F8: variants seen among roughly 807,000 people sequenced by gnomAD.
The protein encoded by F8 is coagulation factor VIII.
A neutral mutation model predicts 140.6 loss-of-function variants in F8; 12 were observed. The observed-to-expected ratio is 0.09, with a 90% CI of 0.05 to 0.14. The LOEUF is 0.14. Ranked by LOEUF, F8 falls within the 10% of genes least tolerant of loss-of-function variation. The probability of loss-of-function intolerance (pLI) is 1.00; values close to 1 mark genes in which losing one functional copy is unlikely to be tolerated. For missense variants in F8, 1,354 were observed against 1,720.7 expected, an observed-to-expected ratio of 0.79 and a Z score of 3.77; for synonymous variants, 585 against 614.6, an observed-to-expected ratio of 0.95 and a Z score of 0.71.
rs2073024200 is a variant in F8 at position 154,904,073 on chromosome X, A to T, written c.5831T>A (p.Ile1944Lys). The stretch of plus-strand genomic sequence containing the variant: ...TACTAAGCCAGGTAGTGTATCCATT[A>T]TGTAGCCATTGATTGCTGGAGAAGG... ...NYRFHAINGYIMDTLPGLVMA... is the reference protein window; with the variant it reads ...NYRFHAINGYKMDTLPGLVMA... Residue 1944 changes from isoleucine (I) to lysine (K), a missense_variant, in exon 18 of 26, where the codon ATA becomes AAA. Coordinates refer to ENST00000360256, the MANE Select transcript of F8 (RefSeq NM_000132.4). 8.3e-7 allele frequency: 1 copy of T among 1,211,630 alleles called. No individual in the cohort carries two copies.
chrX:154,886,235 C>T (rs2072894571), intron 22 of F8: 2 of 740,058 alleles, frequency 2.7e-6, no homozygotes, highest in Non-Finnish European at 3.5e-6. Flanking sequence ...TGCACCTCAT[C>T]AGGGCAAGGG....
chrX:154,904,188 C>G, intron 17 of F8, 100 bp from the exon 18 acceptor site: 1 of 1,093,156 alleles, frequency 9.1e-7, no homozygotes, highest in Admixed American at 2.2e-5. Flanking sequence ...TCCACTCCCA[C>G]AGATATACTC....
chrX:154,902,026 A>T (rs2073012120), intron 19 of F8, 25 bp downstream of exon 19: 1 of 1,020,455 alleles, frequency 9.8e-7, no homozygotes, highest in Non-Finnish European at 1.4e-6. Flanking sequence ...GTAGGTAGGG[A>T]ACCTCTGCCC....
chrX:155,018,717 A>T (rs1557287249), intron 1 of F8, among the ~76,000 whole-genome samples: 1 of 112,193 alleles, frequency 8.9e-6, no homozygotes, highest in Non-Finnish European at 1.9e-5. Context: ...AAATAAAGTT[A>T]CTTCCTAGAA....
intron 25 of F8, among the ~76,000 whole-genome samples, chrX:154,841,087 C>T (rs1258416565): frequency 9.0e-6 from 1 of 110,794 alleles, no homozygotes; most frequent in African/African-American, 3.3e-5. Flanking sequence ...GTACCCTCTA[C>T]TGTTGATAAA....
intron 14 of F8, among the ~76,000 whole-genome samples, chrX:154,910,731 C>T (rs1284635656): frequency 1.8e-5 from 2 of 111,098 alleles, no homozygotes; most frequent in East Asian, 5.7e-4. Context: ...AAGACCTGAC[C>T]GTCCCCCAGC....
At chrX:154,952,099 A>T (rs2073340477) in intron 12 of F8, among the ~76,000 whole-genome samples, 1 of 112,202 alleles carries the variant, frequency 8.9e-6, no homozygotes, top group African/African-American at 3.2e-5. Context: ...TCTAGTAAAT[A>T]GCACAATAAG....
chrX:154,899,649 A>G (rs1043255581), intron 21 of F8, among the ~76,000 whole-genome samples: 1 of 111,821 alleles, frequency 8.9e-6, no homozygotes, highest in Admixed American at 9.5e-5. Flanking sequence ...AGATGTTCTA[A>G]TCCCAGTAGA....
At chrX:154,982,360 T>G (rs1228971829) in intron 6 of F8, among the ~76,000 whole-genome samples, 2 of 97,611 alleles carry the variant, frequency 2.0e-5, no homozygotes, top group East Asian at 6.4e-4. Context: ...GGCAGGAGAA[T>G]GGCGTGAACC....
rs182105506 is a variant in F8, at chrX:154,943,706, G to T, written c.2113+3992C>A. Among the ~76,000 whole-genome samples, 286 of 111,494 alleles carry T rather than the reference G, an allele frequency of 2.6e-3. 1 individual carries two copies. The highest frequency in any genetic ancestry group is 4.2e-3 in the Non-Finnish European group (221 of 53,040). On this transcript the variant is annotated intron_variant, in intron 13 of 25. Coordinates refer to ENST00000360256, the MANE Select transcript of F8 (RefSeq NM_000132.4). The stretch of plus-strand genomic sequence containing the variant: ...ATGAAACCAAAAAAGAGCCCGCATC[G>T]CCAAGTCAATCCTAAGCCTAATGAA...
chrX:154,936,631 A>T (rs1238846692), intron 13 of F8, among the ~76,000 whole-genome samples: 1 of 112,098 alleles, frequency 8.9e-6, no homozygotes, highest in African/African-American at 3.2e-5. Flanking sequence ...AACAAACTCA[A>T]CAATCACAGA....
At chrX:154,983,515 G>A (rs1169811796) in intron 6 of F8, among the ~76,000 whole-genome samples, 1 of 111,029 alleles carries the variant, frequency 9.0e-6, no homozygotes, top group Non-Finnish European at 1.9e-5. Context: ...GTGCCAGTTG[G>A]GACAAATGTA....
At chrX:154,984,844 T>C (rs1557284071) in intron 5 of F8, 41 bp from the exon 6 acceptor site, 2 of 1,033,597 alleles carry the variant, frequency 1.9e-6, no homozygotes, top group Admixed American at 2.2e-5. Context: ...GCTAAGCATG[T>C]GTCTCATGAA....
chrX:154,944,940 A>G (rs1603434339), intron 13 of F8, among the ~76,000 whole-genome samples: 1 of 110,368 alleles, frequency 9.1e-6, no homozygotes, highest in Admixed American at 9.7e-5. Flanking sequence ...AACACTGCAT[A>G]TTCTCACTCA....
rs1557278584 is a variant in F8, at chrX:154,930,040, G to A, written c.3750C>T (p.Ser1250=). The change falls in exon 14 of 26, where the codon AGC becomes AGT. Residue 1250 remains serine (S), a synonymous_variant. Transcript: ENST00000360256. ...ATGAACCTTCTACATTTTGCCTAGT[G>A]CTCAGTAAGAAAAGGTTCTTCATGA... ...KNFMKNLFLL[S]TRQNVEGSYD... 4.1e-6 allele frequency: 5 copies of A among 1,211,056 alleles called. No homozygotes were observed. Among genetic ancestry groups the A allele is most frequent in the Non-Finnish European group, 4.5e-6 (4 of 895,289 alleles).
intron 6 of F8, among the ~76,000 whole-genome samples, chrX:154,980,112 C>G (rs1377700488): frequency 9.0e-6 from 1 of 111,460 alleles, no homozygotes; most frequent in African/African-American, 3.3e-5. Flanking sequence ...CCAGTGTTCT[C>G]TCTTAGATGA....
intron 1 of F8, among the ~76,000 whole-genome samples, chrX:155,013,008 T>C (rs1425773908): frequency 2.8e-5 from 3 of 108,106 alleles, no homozygotes; most frequent in Non-Finnish European, 3.8e-5. Context: ...TAGCCAGGCG[T>C]GGTGGCGGGC....
At position 154,928,774 on chromosome X, in the gene F8, A is replaced by G. The variant is rs1557278292; in HGVS notation, c.5016T>C (p.Thr1672=). The change falls in exon 14 of 26, where the codon ACT becomes ACC. Residue 1672 remains threonine, a synonymous_variant. Transcript: ENST00000360256. ...TTTCCTCTTGATCTGACTGAAGAGT[A>G]GTACGAGTTATTTCCCGTTGATGGC... ...LKRHQREITR[T]TLQSDQEEID... is the part of the protein sequence containing the mutation. 1.7e-6 allele frequency: 2 copies of G among 1,209,947 alleles called. No homozygotes were observed. Among genetic ancestry groups the G allele is most frequent in the South Asian group, 1.8e-5 (1 of 56,783 alleles).
chrX:154,859,813 G>C (rs782453435), intron 25 of F8, among the ~76,000 whole-genome samples: 6 of 111,266 alleles, frequency 5.4e-5, no homozygotes, highest in Non-Finnish European at 1.1e-4. Context: ...TGAGTCAGGT[G>C]AAAGTGGCAG....
Sources: allele counts gnomAD v4.1 joint callset (sites outside exome capture counted in the v4.1 genomes callset), GRCh38; gene constraint gnomAD v4.1.1; transcripts MANE v1.5; gene names NCBI Gene and HGNC (gene_info 2026-07-23, HGNC 2026-07-21).